Variants in CHSY3 observed in about 807,000 individuals in gnomAD.
CHSY3 encodes N-acetylgalactosaminyl-proteoglycan 3-beta-glucuronosyltransferase 3.
A neutral mutation model predicts 67.2 loss-of-function variants in CHSY3; 35 were observed. That is an observed-to-expected ratio of 0.52 (90% CI 0.40 to 0.69). The LOEUF (loss-of-function observed/expected upper bound fraction) is 0.69. Ranked by LOEUF, CHSY3 falls within the 30% of genes least tolerant of loss-of-function variation. CHSY3 has a pLI of 0.00. For synonymous variants in CHSY3, 474 were observed against 434.7 expected (o/e 1.09, Z -1.12); for missense variants, 1,069 against 1,138.5 (o/e 0.94, Z 0.88).
At chr5:130,171,627 T>C (rs1009808669) in intron 2 of CHSY3, among the ~76,000 whole-genome samples, 30 of 152,322 alleles carry the variant, frequency 2.0e-4, no homozygotes, top group African/African-American at 6.5e-4. Flanking sequence ...TTATCACATA[T>C]AAGAGTTGCT....
At chr5:130,026,031 G>C (rs181378873) in intron 2 of CHSY3, among the ~76,000 whole-genome samples, 8 of 152,206 alleles carry the variant, frequency 5.3e-5, no homozygotes, top group Admixed American at 2.6e-4. Context: ...TGACTCTAAG[G>C]ACCAGTACAA....
At chr5:129,911,033 G>T (rs1760525963) in intron 2 of CHSY3, among the ~76,000 whole-genome samples, 1 of 148,470 alleles carries the variant, frequency 6.7e-6, no homozygotes, top group Admixed American at 6.8e-5. Flanking sequence ...TCAGAGTTGA[G>T]AGTCCTGTTA....
chr5:130,178,253 A>ATATTTTTT (rs1205782386), intron 2 of CHSY3, among the ~76,000 whole-genome samples: 32 of 45,910 alleles, frequency 7.0e-4, no homozygotes, highest in Non-Finnish European at 9.9e-4. Flanking sequence ...ATATATATAT[A>ATATTTTTT]TTTTTTTTTT....
rs1251923925 is a variant in CHSY3 at position 130,064,253 on chromosome 5, A to G, written c.1087-119976A>G. On this transcript the variant is annotated intron_variant, in intron 2 of 2. Transcript: ENST00000305031. ...TGATTATTTTAGGTACATACTCTATATCCAAAATGCACCAGATGTTTTGCA... is the reference window on the plus strand; with the variant it reads ...TGATTATTTTAGGTACATACTCTATGTCCAAAATGCACCAGATGTTTTGCA... Among the ~76,000 whole-genome samples the G allele has an allele frequency of 8.5e-5, 13 of 152,102 alleles. No homozygotes were observed. The East Asian group carries it at 2.3e-3, about 27-fold the overall frequency.
rs369237163 is a variant in CHSY3 at position 130,123,624 on chromosome 5, C to T, written c.1087-60605C>T. Reference sequence around the variant, plus strand: ...GTCTGTGGCCTGGGGTTTGAGGACTCCTGTGTTAGACCACATCAGCTTCTG... The same window carrying T: ...GTCTGTGGCCTGGGGTTTGAGGACTTCTGTGTTAGACCACATCAGCTTCTG... On this transcript the variant is annotated intron_variant, in intron 2 of 2. Coordinates refer to ENST00000305031, the MANE Select transcript of CHSY3 (RefSeq NM_175856.5). 1.1e-4 allele frequency among the ~76,000 whole-genome samples: 16 copies of T among 152,308 alleles called. 1 individual carries two copies. The highest frequency in any genetic ancestry group is 6.5e-4 in the Admixed American group (10 of 15,302).
intron 2 of CHSY3, among the ~76,000 whole-genome samples, chr5:130,175,891 T>C (rs1202433093): frequency 1.1e-4 from 17 of 152,112 alleles, no homozygotes; most frequent in Admixed American, 1.1e-3. Flanking sequence ...CCTAAAACCA[T>C]AGAAACCCTA....
intron 2 of CHSY3, among the ~76,000 whole-genome samples, chr5:130,060,420 T>C (rs2149676114): frequency 6.6e-6 from 1 of 152,212 alleles, no homozygotes; most frequent in South Asian, 2.1e-4. Flanking sequence ...TACCCCTAGA[T>C]AACAAAGGCC....
At chr5:129,946,381 G>A (rs551934896) in intron 2 of CHSY3, among the ~76,000 whole-genome samples, 1 of 152,112 alleles carries the variant, frequency 6.6e-6, no homozygotes, top group South Asian at 2.1e-4. Flanking sequence ...TATAGTATTA[G>A]AAAGTTTAAA....
chr5:130,072,827 T>A (rs1766127086), intron 2 of CHSY3, among the ~76,000 whole-genome samples: 1 of 152,150 alleles, frequency 6.6e-6, no homozygotes, highest in Admixed American at 6.6e-5. Flanking sequence ...AAGAAGGAAA[T>A]TCTGCCATTC....
intron 2 of CHSY3, among the ~76,000 whole-genome samples, chr5:129,916,967 T>G (rs1760750189): frequency 6.6e-6 from 1 of 152,024 alleles, no homozygotes; most frequent in Non-Finnish European, 1.5e-5. Flanking sequence ...ATTATTCTTA[T>G]TTGAGTTTTC....
At chr5:129,923,617 A>C (rs902509011) in intron 2 of CHSY3, among the ~76,000 whole-genome samples, 20 of 152,170 alleles carry the variant, frequency 1.3e-4, no homozygotes, top group African/African-American at 4.1e-4. Flanking sequence ...ATGATATTTA[A>C]GCTATGCAGA....
intron 2 of CHSY3, among the ~76,000 whole-genome samples, chr5:130,145,029 C>T (rs150460061): frequency 1.1e-3 from 163 of 152,186 alleles, no homozygotes; most frequent in African/African-American, 3.8e-3. Flanking sequence ...GTGCTACACA[C>T]ATTTAAACAA....
intron 2 of CHSY3, among the ~76,000 whole-genome samples, chr5:130,035,897 T>G (rs1419835983): frequency 2.0e-5 from 3 of 148,010 alleles, no homozygotes; most frequent in African/African-American, 5.0e-5. Flanking sequence ...TTTTTTTTTT[T>G]TTTTTTTTTT....
At chr5:130,084,964 A>C (rs1005582491) in intron 2 of CHSY3, among the ~76,000 whole-genome samples, 27 of 152,148 alleles carry the variant, frequency 1.8e-4, no homozygotes, top group South Asian at 4.1e-4. Context: ...TCACACTTAC[A>C]GAGTCTGTTC....
intron 2 of CHSY3, among the ~76,000 whole-genome samples, chr5:129,993,105 A>G (rs1018890461): frequency 6.6e-6 from 1 of 152,144 alleles, no homozygotes; most frequent in African/African-American, 2.4e-5. Flanking sequence ...GGGTACTGTT[A>G]TGTGCTATTT....
At chr5:130,098,932 C>T (rs1767139064) in intron 2 of CHSY3, among the ~76,000 whole-genome samples, 1 of 151,982 alleles carries the variant, frequency 6.6e-6, no homozygotes, top group South Asian at 2.1e-4. Context: ...TAGAATTTTT[C>T]CCTAAAAAAT....
intron 2 of CHSY3, among the ~76,000 whole-genome samples, chr5:129,920,740 TTCTTTC>T (rs1055330911): frequency 2.0e-5 from 3 of 152,216 alleles, no homozygotes; most frequent in Admixed American, 6.5e-5. Flanking sequence ...TAGCACTAAT[TTCTTTC>T]TCTTTCTTTG....
At chr5:130,053,158 C>G (rs1765417855) in intron 2 of CHSY3, among the ~76,000 whole-genome samples, 1 of 151,898 alleles carries the variant, frequency 6.6e-6, no homozygotes, top group Non-Finnish European at 1.5e-5. Flanking sequence ...TTTGTTTTAA[C>G]AGGAGAAATA....
At chr5:130,172,145 A>C (rs559405009) in intron 2 of CHSY3, among the ~76,000 whole-genome samples, 2 of 152,162 alleles carry the variant, frequency 1.3e-5, no homozygotes, top group African/African-American at 4.8e-5. Context: ...TTCCTTTTAC[A>C]AGAGAGATCT....
Sources: gnomAD v4.1 joint callset for allele counts (sites outside exome capture counted in the v4.1 genomes callset) on GRCh38, gnomAD v4.1.1 for gene constraint, MANE v1.5 for transcripts, NCBI Gene and HGNC (gene_info 2026-07-23, HGNC 2026-07-21) for gene names.